The following CAB39L variants were observed in gnomAD, a reference collection of about 807,000 sequenced individuals.
CAB39L encodes the protein calcium-binding protein 39-like.
A neutral mutation model predicts 39.1 loss-of-function variants in CAB39L; 23 were observed. The observed-to-expected ratio is 0.59, with a 90% confidence interval of 0.42 to 0.83. The LOEUF (loss-of-function observed/expected upper bound fraction) is 0.83, where lower values mean the gene tolerates loss of function less well. CAB39L is among the 40% of genes least tolerant of loss of function. The pLI, the probability that CAB39L is intolerant of heterozygous loss-of-function variation, is 0.00. For synonymous variants in CAB39L, 126 were observed against 137.2 expected (o/e 0.92, Z 0.57); for missense variants, 366 against 391.9 (o/e 0.93, Z 0.56).
At chr13:49,349,892 T>A (rs1455501035) in intron 7 of CAB39L, among the ~76,000 whole-genome samples, 1 of 152,186 alleles carries the variant, frequency 6.6e-6, no homozygotes, top group African/African-American at 2.4e-5. Context: ...AAAATAGAAA[T>A]CTCGAATGTA....
chr13:49,372,540 C>T (rs796536575), intron 5 of CAB39L, among the ~76,000 whole-genome samples: 143 of 152,280 alleles, frequency 9.4e-4, no homozygotes, highest in African/African-American at 3.4e-3. Flanking sequence ...GTTCCAAACC[C>T]CTGCTCCCAG....
At chr13:49,343,499 G>T (rs983259768) in intron 8 of CAB39L, among the ~76,000 whole-genome samples, 1 of 152,006 alleles carries the variant, frequency 6.6e-6, no homozygotes, top group Non-Finnish European at 1.5e-5. Flanking sequence ...TGCCTCTTAG[G>T]GGGTGCAAGG....
Position 49,311,013 on chromosome 13 carries a change from ATACT to A in CAB39L, c.835-24_835-21del. 2 of 1,610,430 alleles carry A rather than the reference ATACT, an allele frequency of 1.2e-6. No individual in the cohort carries two copies. The highest frequency in any genetic ancestry group is 1.7e-6 in the Non-Finnish European group (2 of 1,177,658). On this transcript the variant is annotated intron_variant, in intron 10 of 10. Transcript: ENST00000409308. ...AAACACCTGAAACAAAAAGAAACAAATACTTAGGAGTGCAAGCCAGGGACCTCAC... is the reference window on the plus strand; with the variant it reads ...AAACACCTGAAACAAAAAGAAACAAATAGGAGTGCAAGCCAGGGACCTCAC...
At chr13:49,427,228 A>C (rs9535241) in intron 3 of CAB39L, among the ~76,000 whole-genome samples, 106,982 of 152,072 alleles carry the variant, frequency 0.7, 38,878 homozygotes, top group East Asian at 0.89. Context: ...CAGTTTCTAA[A>C]AAGATTCTCC....
chr13:49,327,225 C>T (rs1954529947), intron 10 of CAB39L, among the ~76,000 whole-genome samples: 2 of 151,994 alleles, frequency 1.3e-5, no homozygotes, highest in East Asian at 1.9e-4. Flanking sequence ...TGTATGATAT[C>T]GCTTATTCTC....
At chr13:49,406,038 T>C (rs1039103836) in intron 3 of CAB39L, among the ~76,000 whole-genome samples, 2 of 152,016 alleles carry the variant, frequency 1.3e-5, no homozygotes, top group Non-Finnish European at 2.9e-5. Context: ...AATCCACTAA[T>C]GGGATGAGTA....
chr13:49,312,218 C>G (rs1359048392), intron 10 of CAB39L, among the ~76,000 whole-genome samples: 3 of 152,004 alleles, frequency 2.0e-5, no homozygotes, highest in African/African-American at 7.2e-5. Context: ...ATTATTAAAA[C>G]AAGAAAAAAA....
chr13:49,428,172 A>ATCTAT (rs1413284702), intron 3 of CAB39L, among the ~76,000 whole-genome samples: 2 of 152,238 alleles, frequency 1.3e-5, no homozygotes, highest in African/African-American at 2.4e-5. Flanking sequence ...ATTATTTCAC[A>ATCTAT]TAGTTTCTGA....
intron 5 of CAB39L, among the ~76,000 whole-genome samples, chr13:49,366,456 G>A (rs1436853162): frequency 1.3e-5 from 2 of 151,100 alleles, no homozygotes; most frequent in South Asian, 2.1e-4. Flanking sequence ...GTGAAACCCC[G>A]TCTCTACTAA....
chr13:49,329,544 AATATATAT>A (rs1179579885), intron 10 of CAB39L, among the ~76,000 whole-genome samples: 453 of 33,344 alleles, frequency 0.014, 7 homozygotes, highest in Middle Eastern at 0.041. Context: ...TAAAAAAAAA[AATATATAT>A]ATATATATAT....
intron 1 of CAB39L, among the ~76,000 whole-genome samples, chr13:49,437,379 C>A (rs966744162): frequency 1.3e-5 from 2 of 152,170 alleles, no homozygotes; most frequent in Non-Finnish European, 2.9e-5. Flanking sequence ...TATCACCAAG[C>A]CTCCAGGTAG....
chr13:49,347,244 A>T (rs1028633378), intron 7 of CAB39L, among the ~76,000 whole-genome samples: 1 of 152,234 alleles, frequency 6.6e-6, no homozygotes, highest in Non-Finnish European at 1.5e-5. Flanking sequence ...CTTAAATTCA[A>T]TGGAAAATTG....
At position 49,310,803 on chromosome 13, in the gene CAB39L, C is replaced by CG; in HGVS notation, c.*10dup. ...TGAGACGACTGACTGTGACAGGGGC[C>CG]GGGGAGCTCTTCAAGGGGCCGTTTT... On this transcript the variant is annotated 3_prime_UTR_variant, in exon 11 of 11. Transcript: ENST00000409308. The CG allele has an allele frequency of 6.2e-7, 1 of 1,612,630 alleles. No homozygotes were observed. The highest frequency in any genetic ancestry group is 1.1e-5 in the South Asian group (1 of 90,936).
intron 2 of CAB39L, among the ~76,000 whole-genome samples, chr13:49,433,662 C>A (rs1018833043): frequency 3.3e-5 from 5 of 152,130 alleles, no homozygotes; most frequent in African/African-American, 9.7e-5. Context: ...GTAAAGGGCG[C>A]TCTAGTACCT....
At chr13:49,402,549 C>G (rs550082412) in intron 3 of CAB39L, among the ~76,000 whole-genome samples, 33 of 152,242 alleles carry the variant, frequency 2.2e-4, no homozygotes, top group South Asian at 2.1e-3. Flanking sequence ...ACGGATCTTC[C>G]AAGTACAGAA....
At chr13:49,364,032 A>G (rs1025585433) in intron 5 of CAB39L, among the ~76,000 whole-genome samples, 1 of 152,164 alleles carries the variant, frequency 6.6e-6, no homozygotes, top group African/African-American at 2.4e-5. Context: ...TACTTACATC[A>G]GACAAAACAG....
rs373708128 is a variant in CAB39L, at chr13:49,417,203, A to G, written c.-32+16115T>C. Reference sequence around the variant, plus strand: ...ATATTCCAATTTTTAAAATAGCCTTATTGAGATATCATTTACATACCACAA... The same window carrying G: ...ATATTCCAATTTTTAAAATAGCCTTGTTGAGATATCATTTACATACCACAA... On this transcript the variant is annotated intron_variant, in intron 3 of 10. Coordinates refer to ENST00000409308, the MANE Select transcript of CAB39L (RefSeq NM_001079670.3). 1.1e-4 allele frequency among the ~76,000 whole-genome samples: 17 copies of G among 152,308 alleles called. No individual in the cohort carries two copies. The East Asian group carries it at 2.9e-3, about 26-fold the overall frequency.
At chr13:49,337,274 G>A (rs976668153) in intron 9 of CAB39L, among the ~76,000 whole-genome samples, 6 of 152,084 alleles carry the variant, frequency 3.9e-5, no homozygotes, top group African/African-American at 1.4e-4. Flanking sequence ...AGAAAAAATA[G>A]GAAAAAATGA....
At chr13:49,427,690 A>G (rs1957264525) in intron 3 of CAB39L, among the ~76,000 whole-genome samples, 1 of 152,082 alleles carries the variant, frequency 6.6e-6, no homozygotes. Context: ...CCCTAGCTCA[A>G]AAAAAAATTG....
Sources: gnomAD v4.1 joint callset for allele counts (sites outside exome capture counted in the v4.1 genomes callset) on GRCh38, gnomAD v4.1.1 for gene constraint, MANE v1.5 for transcripts, NCBI Gene and HGNC (gene_info 2026-07-23, HGNC 2026-07-21) for gene names.